Variants in SAMMSON observed in about 807,000 individuals in gnomAD.
The protein encoded by SAMMSON is survival associated mitochondrial melanoma specific oncogenic non-coding RNA, also known as long intergenic non-protein coding RNA 1212.
At chr3:70,237,284 A>C (rs902964405) in intron 4 of SAMMSON, among the ~76,000 whole-genome samples, 2 of 152,194 alleles carry the variant, frequency 1.3e-5, no homozygotes, top group African/African-American at 4.8e-5. Context: ...TCCAGTGCGG[A>C]TACACCACAA....
chr3:70,054,084 G>A (rs1043789259), intron 3 of SAMMSON, among the ~76,000 whole-genome samples: 1 of 152,050 alleles, frequency 6.6e-6, no homozygotes, highest in Non-Finnish European at 1.5e-5. Flanking sequence ...CTTACGTTGA[G>A]TATGAAGCAT....
chr3:70,403,546 G>A (rs1575642201), intron 2 of SAMMSON, among the ~76,000 whole-genome samples: 2 of 152,124 alleles, frequency 1.3e-5, no homozygotes, highest in Non-Finnish European at 2.9e-5. Flanking sequence ...TCTGCGTTGC[G>A]ATCTTTTGTG....
chr3:70,380,327 G>T (rs1703054732), intron 9 of SAMMSON, among the ~76,000 whole-genome samples: 1 of 151,958 alleles, frequency 6.6e-6, no homozygotes, highest in South Asian at 2.1e-4. Context: ...GAAGAAAAAA[G>T]AGATACGAGT....
intron 6 of SAMMSON, among the ~76,000 whole-genome samples, chr3:70,252,545 A>G (rs1409727433): frequency 6.6e-6 from 1 of 152,214 alleles, no homozygotes; most frequent in Non-Finnish European, 1.5e-5. Context: ...AAGTGAGGCT[A>G]GGCAAACAAT....
At chr3:70,062,919 A>G (rs1445626995) in intron 3 of SAMMSON, among the ~76,000 whole-genome samples, 3 of 152,016 alleles carry the variant, frequency 2.0e-5, no homozygotes, top group South Asian at 2.1e-4. Flanking sequence ...TGGGTTGCCC[A>G]TATCTTCAGA....
chr3:70,139,521 C>T (rs1432555185), intron 4 of SAMMSON, among the ~76,000 whole-genome samples: 14 of 152,260 alleles, frequency 9.2e-5, no homozygotes, highest in East Asian at 1.9e-4. Context: ...ACAGGCAGCC[C>T]TCTGTCTGGG....
chr3:70,252,984 G>A (rs538874093), intron 6 of SAMMSON, among the ~76,000 whole-genome samples: 12 of 152,164 alleles, frequency 7.9e-5, no homozygotes, highest in African/African-American at 2.9e-4. Context: ...GGAGGCTGAG[G>A]CAAGAGAATC....
intron 4 of SAMMSON, among the ~76,000 whole-genome samples, chr3:70,152,189 T>A (rs577223282): frequency 1.1e-4 from 17 of 151,972 alleles, no homozygotes; most frequent in Non-Finnish European, 2.4e-4. Context: ...ATTACTCTAT[T>A]GAAATTGAAC....
intron 4 of SAMMSON, among the ~76,000 whole-genome samples, chr3:70,107,429 A>C (rs2106658425): frequency 6.6e-6 from 1 of 152,276 alleles, no homozygotes; most frequent in African/African-American, 2.4e-5. Flanking sequence ...TGAAATGAAG[A>C]TTTCATGCAG....
chr3:70,384,995 G>A (rs946485816), intron 9 of SAMMSON, among the ~76,000 whole-genome samples: 9 of 151,988 alleles, frequency 5.9e-5, no homozygotes, highest in Middle Eastern at 3.2e-3. Flanking sequence ...ACATGTGCCA[G>A]TGCTAACATA....
At chr3:70,213,772 G>A (rs895222095) in intron 4 of SAMMSON, among the ~76,000 whole-genome samples, 1 of 152,050 alleles carries the variant, frequency 6.6e-6, no homozygotes, top group African/African-American at 2.4e-5. Context: ...TAAAATACAG[G>A]AAATCATTCA....
chr3:70,329,707 C>G (rs1484692531), intron 7 of SAMMSON, among the ~76,000 whole-genome samples: 2 of 151,696 alleles, frequency 1.3e-5, no homozygotes, highest in Non-Finnish European at 2.9e-5. Context: ...TTATCTGGGA[C>G]TAAAGAAAAA....
intron 7 of SAMMSON, among the ~76,000 whole-genome samples, chr3:70,304,740 C>T (rs1182342649): frequency 6.6e-6 from 1 of 152,126 alleles, no homozygotes; most frequent in Non-Finnish European, 1.5e-5. Flanking sequence ...TTCTCTTTAC[C>T]TCATGCAATA....
intron 9 of SAMMSON, among the ~76,000 whole-genome samples, chr3:70,388,422 T>G (rs1034848637): frequency 6.6e-6 from 1 of 152,146 alleles, no homozygotes; most frequent in African/African-American, 2.4e-5. Context: ...GTTGTTTGTA[T>G]GTTTCTTTTT....
intron 3 of SAMMSON, among the ~76,000 whole-genome samples, chr3:70,042,766 G>T (rs1197118392): frequency 6.6e-6 from 1 of 152,064 alleles, no homozygotes; most frequent in African/African-American, 2.4e-5. Flanking sequence ...ATGAAATTGT[G>T]CCGGAGTCTC....
At chr3:70,298,032 C>T (rs1702306431) in intron 7 of SAMMSON, among the ~76,000 whole-genome samples, 1 of 151,972 alleles carries the variant, frequency 6.6e-6, no homozygotes, top group African/African-American at 2.4e-5. Context: ...AGGGTCACAT[C>T]TAAGATTGAC....
At chr3:70,120,933 A>G (rs930273020) in intron 4 of SAMMSON, among the ~76,000 whole-genome samples, 3 of 152,174 alleles carry the variant, frequency 2.0e-5, no homozygotes, top group African/African-American at 7.2e-5. Flanking sequence ...CTATTATTAC[A>G]TCGTAATACA....
chr3:70,290,887 C>T (rs1040470487), intron 6 of SAMMSON, among the ~76,000 whole-genome samples: 8 of 152,282 alleles, frequency 5.3e-5, no homozygotes, highest in Admixed American at 1.3e-4. Context: ...TTGCGCTTCC[C>T]GAGTGAGGCA....
intron 4 of SAMMSON, among the ~76,000 whole-genome samples, chr3:70,128,779 A>G (rs1381142154): frequency 6.6e-6 from 1 of 152,202 alleles, no homozygotes; most frequent in Admixed American, 6.5e-5. Flanking sequence ...CAAGATAAGA[A>G]GCATTTGGGG....
Sources: gnomAD v4.1 joint callset for allele counts (sites outside exome capture counted in the v4.1 genomes callset) on GRCh38, gnomAD v4.1.1 for gene constraint, MANE v1.5 for transcripts, NCBI Gene and HGNC (gene_info 2026-07-23, HGNC 2026-07-21) for gene names.